Variants in SLC8A1 observed in about 807,000 individuals in gnomAD.
The protein encoded by SLC8A1 is sodium/calcium exchanger 1.
A neutral mutation model predicts 68.3 loss-of-function variants in SLC8A1; 18 were observed. The observed-to-expected ratio is 0.26, with a 90% CI of 0.18 to 0.39. The LOEUF is 0.39. Ranked by LOEUF, SLC8A1 falls within the 10% of genes least tolerant of loss-of-function variation. The pLI is 1.00. For synonymous variants in SLC8A1, 475 were observed against 415.5 expected (o/e 1.14, Z -1.74); for missense variants, 985 against 1,156.7 (o/e 0.85, Z 2.15).
chr2:40,480,065 G>A (rs1199477640), intron 1 of SLC8A1, among the ~76,000 whole-genome samples: 3 of 152,228 alleles, frequency 2.0e-5, no homozygotes, highest in Middle Eastern at 3.4e-3. Context: ...ACTGGAAACA[G>A]TGCACGTTTA....
chr2:40,288,812 G>A (rs1004179975), intron 2 of SLC8A1, among the ~76,000 whole-genome samples: 5 of 142,386 alleles, frequency 3.5e-5, no homozygotes, highest in African/African-American at 1.2e-4. Flanking sequence ...ACTTTACTTC[G>A]AAAATGTCTC....
At chr2:40,328,246 A>G (rs924329007) in intron 2 of SLC8A1, among the ~76,000 whole-genome samples, 1 of 152,184 alleles carries the variant, frequency 6.6e-6, no homozygotes, top group East Asian at 1.9e-4. Context: ...AATTTAATGT[A>G]TTATCCTGGT....
intron 7 of SLC8A1, among the ~76,000 whole-genome samples, chr2:40,128,976 G>A (rs1176698731): frequency 6.6e-6 from 1 of 152,200 alleles, no homozygotes; most frequent in Non-Finnish European, 1.5e-5. Context: ...GTTGCCTGGG[G>A]CAGAGGGTGG....
Position 40,129,338 on chromosome 2 carries a change from C to G in SLC8A1, c.2437+10063G>C, listed in dbSNP as rs141255326. On this transcript the variant is annotated intron_variant, in intron 7 of 7. Coordinates refer to ENST00000406785, the Ensembl canonical transcript of SLC8A1. ...CTTGGCCTCCTGGGCTCAAGTGATC[C>G]TCCCATCTCAGCCTCCTGAGTAGCT... is the stretch of plus-strand genomic sequence containing the variant. Among the ~76,000 whole-genome samples, 76 of 151,946 alleles carry G rather than the reference C, an allele frequency of 5.0e-4. 1 individual carries two copies. The East Asian group carries it at 0.013, about 27-fold the overall frequency.
chr2:40,253,158 T>C (rs112667565), intron 2 of SLC8A1, among the ~76,000 whole-genome samples: 1 of 125,058 alleles, frequency 8.0e-6, no homozygotes, highest in Admixed American at 8.3e-5. Context: ...TACATACATA[T>C]ATATGTATAT....
At chr2:40,107,910 G>A (rs974450627) in exon 8 of SLC8A1, 55 of 152,128 alleles carry the variant, frequency 3.6e-4, no homozygotes, top group African/African-American at 1.3e-3. Context: ...AGTTGGAATG[G>A]AAACTTTTAG....
rs571408296 is a variant in SLC8A1, at chr2:40,226,433, G to T, written c.1809-48578C>A. Among the ~76,000 whole-genome samples, 5 of 152,244 alleles carry T rather than the reference G, an allele frequency of 3.3e-5. No individual in the cohort carries two copies. In the East Asian group the frequency reaches 9.7e-4, roughly 29 times the overall value. ...AGGCTTGGAAATGTATAGACTGCAT[G>T]CAGGAATCATGCATCTGCCAAGGCA... On this transcript the variant is annotated intron_variant, in intron 2 of 7. Transcript: ENST00000406785.
chr2:40,407,559 A>G (rs551462994), intron 2 of SLC8A1, among the ~76,000 whole-genome samples: 13 of 152,144 alleles, frequency 8.5e-5, no homozygotes, highest in Middle Eastern at 3.2e-3. Context: ...CTCAGTGAAC[A>G]GCCTTTCCTT....
intron 2 of SLC8A1, among the ~76,000 whole-genome samples, chr2:40,246,710 C>A (rs394112): frequency 0.14 from 21,172 of 152,174 alleles, 1,802 homozygotes; most frequent in African/African-American, 0.22. Flanking sequence ...AGTCATATTG[C>A]TTTGATATGC....
Position 40,232,751 on chromosome 2 carries a change from C to T in SLC8A1, c.1809-54896G>A, listed in dbSNP as rs535166814. 3.7e-4 allele frequency among the ~76,000 whole-genome samples: 32 copies of T among 87,242 alleles called. 1 individual carries two copies. Among genetic ancestry groups the T allele is most frequent in the Admixed American group, 1.2e-3 (11 of 8,962 alleles). The allele number at this position is 87,242 out of a possible 152,430, so 57.2% of individuals were successfully genotyped here. Reference sequence around the variant, plus strand: ...ATCTCCCAGTGCTATCCCTCCCCCCCCGCCACCCCACAACAGTCCCCAGAG... The same window carrying T: ...ATCTCCCAGTGCTATCCCTCCCCCCTCGCCACCCCACAACAGTCCCCAGAG... On this transcript the variant is annotated intron_variant, in intron 2 of 7. Transcript: ENST00000406785.
intron 2 of SLC8A1, among the ~76,000 whole-genome samples, chr2:40,224,436 G>A (rs566143330): frequency 5.9e-5 from 9 of 152,212 alleles, no homozygotes; most frequent in Admixed American, 2.6e-4. Flanking sequence ...GGCAGAATAC[G>A]AGGGAGATAA....
intron 2 of SLC8A1, among the ~76,000 whole-genome samples, chr2:40,352,281 C>T (rs1428865516): frequency 1.3e-5 from 2 of 151,908 alleles, no homozygotes; most frequent in African/African-American, 2.4e-5. Context: ...TAAATTTAAC[C>T]CAGAAAATTA....
intron 7 of SLC8A1, among the ~76,000 whole-genome samples, chr2:40,134,474 C>CA (rs1055154218): frequency 6.6e-6 from 1 of 151,878 alleles, no homozygotes; most frequent in Non-Finnish European, 1.5e-5. Context: ...AAGAAAATAC[C>CA]AAAAAAATAC....
chr2:40,376,069 T>C (rs1017075838), intron 2 of SLC8A1, among the ~76,000 whole-genome samples: 1 of 152,250 alleles, frequency 6.6e-6, no homozygotes, highest in East Asian at 1.9e-4. Context: ...ATATTTAGAA[T>C]GCTGAATGAA....
chr2:40,493,611 A>C (rs1042892624), intron 1 of SLC8A1, among the ~76,000 whole-genome samples: 1 of 150,196 alleles, frequency 6.7e-6, no homozygotes, highest in Admixed American at 6.6e-5. Flanking sequence ...CCTAAACCAC[A>C]CTTCTCCCTC....
intron 2 of SLC8A1, among the ~76,000 whole-genome samples, chr2:40,419,106 G>C (rs1694751621): frequency 6.6e-6 from 1 of 152,206 alleles, no homozygotes; most frequent in African/African-American, 2.4e-5. Context: ...TATGGCAGAG[G>C]CTATGTCTTA....
exon 8 of SLC8A1, chr2:40,104,870 T>G (rs182877088): frequency 4.5e-4 from 69 of 152,322 alleles, no homozygotes; most frequent in African/African-American, 1.5e-3. Flanking sequence ...TTTTTTGCTT[T>G]TTTTTTGGTT....
At chr2:40,512,296 A>G (rs1706791982) in intron 1 of SLC8A1, 1 of 152,244 alleles carries the variant, frequency 6.6e-6, no homozygotes, top group Non-Finnish European at 1.5e-5. Flanking sequence ...TCTGGAGGAA[A>G]TATTTGCAAA....
chr2:40,227,037 G>A (rs941189108), intron 2 of SLC8A1, among the ~76,000 whole-genome samples: 3 of 152,000 alleles, frequency 2.0e-5, no homozygotes, highest in African/African-American at 7.3e-5. Context: ...GTTTTAAATG[G>A]GGTAGTGGAC....
Sources: allele counts gnomAD v4.1 joint callset (sites outside exome capture counted in the v4.1 genomes callset), GRCh38; gene constraint gnomAD v4.1.1; transcripts MANE v1.5; gene names NCBI Gene and HGNC (gene_info 2026-07-23, HGNC 2026-07-21).